TENM3: variants seen among roughly 807,000 people sequenced by gnomAD.
The protein encoded by TENM3 is teneurin-3.
TENM3 carries 63 observed loss-of-function variants against 255.1 expected under a neutral mutation model. The observed-to-expected ratio is 0.25, with a 90% CI of 0.20 to 0.30. The LOEUF (loss-of-function observed/expected upper bound fraction) is 0.30, where lower values mean the gene tolerates loss of function less well. Ranked by LOEUF, TENM3 falls within the 10% of genes least tolerant of loss-of-function variation. The pLI is 1.00. For missense variants in TENM3, 2,929 were observed against 3,461.1 expected, an observed-to-expected ratio of 0.85 and a Z score of 3.86; for synonymous variants, 1,306 against 1,322.3, an observed-to-expected ratio of 0.99 and a Z score of 0.27.
At chr4:182,159,767 G>A (rs911081230) in intron 1 of TENM3, among the ~76,000 whole-genome samples, 2 of 152,112 alleles carry the variant, frequency 1.3e-5, no homozygotes, top group Non-Finnish European at 2.9e-5. Context: ...TGTCTTATCC[G>A]GGAGCAGCGA....
chr4:182,546,939 C>T (rs1741509637), intron 3 of TENM3, among the ~76,000 whole-genome samples: 2 of 152,124 alleles, frequency 1.3e-5, no homozygotes, highest in African/African-American at 4.8e-5. Context: ...TGTAGGTTTG[C>T]AACATGTTTG....
intron 3 of TENM3, among the ~76,000 whole-genome samples, chr4:182,582,397 C>T (rs528978513): frequency 6.6e-6 from 1 of 152,260 alleles, no homozygotes; most frequent in Admixed American, 6.5e-5. Context: ...AACAGGAATA[C>T]GTACCTACAG....
rs144745916 is a variant in TENM3, at chr4:182,179,163, C to T, written c.-76+34409C>T. On this transcript the variant is annotated intron_variant, in intron 1 of 2. Transcript: ENST00000512480. Reference sequence around the variant, plus strand: ...TTCATTTCAAAATGCTTTTAAGGACCCCTTTTATTTATTCCCCTGGTGGTC... The same window carrying T: ...TTCATTTCAAAATGCTTTTAAGGACTCCTTTTATTTATTCCCCTGGTGGTC... 7.2e-4 allele frequency among the ~76,000 whole-genome samples: 110 copies of T among 152,110 alleles called. 1 individual carries two copies. Among genetic ancestry groups the T allele is most frequent in the African/African-American group, 2.6e-3 (108 of 41,506 alleles).
the TENM3 span, among the ~76,000 whole-genome samples, chr4:181,632,800 C>G: frequency 0.076 from 11,529 of 152,016 alleles, 488 homozygotes; most frequent in East Asian, 0.14. Context: ...TAAAGGAGGC[C>G]GTTAAGAATA....
At chr4:181,498,133 C>A in the TENM3 span, among the ~76,000 whole-genome samples, 1 of 152,138 alleles carries the variant, frequency 6.6e-6, no homozygotes, top group Non-Finnish European at 1.5e-5. Flanking sequence ...AATAGAGCCA[C>A]ACCAGCTTGA....
chr4:182,137,402 G>A, the TENM3 span, among the ~76,000 whole-genome samples: 3 of 151,862 alleles, frequency 2.0e-5, no homozygotes, highest in African/African-American at 7.3e-5. Context: ...TAGTTTGGGT[G>A]AAATTATCAG....
chr4:182,410,192 A>C lies in TENM3; in HGVS notation c.511+63263A>C, dbSNP rs145320370. 4.5e-4 allele frequency among the ~76,000 whole-genome samples: 69 copies of C among 152,350 alleles called. No homozygotes were observed. In the East Asian group the frequency reaches 0.012, roughly 27 times the overall value. On this transcript the variant is annotated intron_variant, in intron 3 of 27. Transcript: ENST00000511685. ...TCTATTTTAAATCCCTGCTATGTCT[A>C]ATACAGAACACTAGAAGCTATGAAT...
At chr4:181,730,506 G>A in the TENM3 span, among the ~76,000 whole-genome samples, 1 of 152,166 alleles carries the variant, frequency 6.6e-6, no homozygotes, top group Non-Finnish European at 1.5e-5. Context: ...GTCTAACTTC[G>A]TGGATAAAGG....
chr4:182,772,129 C>T (rs1764284854), intron 22 of TENM3, among the ~76,000 whole-genome samples: 2 of 152,184 alleles, frequency 1.3e-5, no homozygotes, highest in Admixed American at 1.3e-4. Context: ...TCTTCTCTGT[C>T]TTTATCACCT....
intron 1 of TENM3, among the ~76,000 whole-genome samples, chr4:182,222,784 G>C (rs1025566549): frequency 2.0e-5 from 3 of 152,130 alleles, no homozygotes; most frequent in Admixed American, 6.6e-5. Flanking sequence ...TGGGATGGGA[G>C]GAGGGCCTTC....
the TENM3 span, among the ~76,000 whole-genome samples, chr4:181,636,225 AGTAGAGACAGG>A: frequency 2.0e-5 from 3 of 151,930 alleles, no homozygotes; most frequent in Non-Finnish European, 2.9e-5. Flanking sequence ...TTGTATTTTT[AGTAGAGACAGG>A]GTTTCACCAT....
chr4:182,210,550 C>T (rs1192743355), intron 1 of TENM3, among the ~76,000 whole-genome samples: 1 of 150,102 alleles, frequency 6.7e-6, no homozygotes, highest in East Asian at 1.9e-4. Flanking sequence ...CATCTGATTT[C>T]TAAGACGTCA....
At chr4:182,453,682 C>CT in intron 3 of TENM3, among the ~76,000 whole-genome samples, 1 of 152,164 alleles carries the variant, frequency 6.6e-6, no homozygotes, top group East Asian at 1.9e-4. Flanking sequence ...TGCACAGTGC[C>CT]TTTTTTTCCT....
the TENM3 span, among the ~76,000 whole-genome samples, chr4:182,095,339 A>G: frequency 7.9e-5 from 12 of 152,204 alleles, no homozygotes; most frequent in Non-Finnish European, 1.6e-4. Flanking sequence ...TTACACACAT[A>G]CACAATGGAA....
At chr4:181,567,051 G>T in the TENM3 span, among the ~76,000 whole-genome samples, 1 of 152,188 alleles carries the variant, frequency 6.6e-6, no homozygotes. Flanking sequence ...CTAGGTGGTA[G>T]TGGGGTTGGA....
chr4:182,332,693 C>CA (rs1561331395), intron 2 of TENM3, among the ~76,000 whole-genome samples: 1 of 120,720 alleles, frequency 8.3e-6, no homozygotes, highest in Non-Finnish European at 1.7e-5. Context: ...GACTCCATCT[C>CA]AAAAAAAGAA....
chr4:182,156,510 C>T (rs566685189), intron 1 of TENM3, among the ~76,000 whole-genome samples: 28 of 152,120 alleles, frequency 1.8e-4, no homozygotes, highest in East Asian at 1.2e-3. Context: ...CCCCTCTCCC[C>T]GCCCTAGTAG....
chr4:182,154,088 C>G (rs1750528289), intron 1 of TENM3, among the ~76,000 whole-genome samples: 2 of 151,392 alleles, frequency 1.3e-5, no homozygotes, highest in Admixed American at 1.3e-4. Flanking sequence ...GGAACATAAT[C>G]ACTTGATTTA....
At chr4:182,268,867 C>T (rs376926675) in intron 1 of TENM3, among the ~76,000 whole-genome samples, 2 of 152,160 alleles carry the variant, frequency 1.3e-5, no homozygotes, top group South Asian at 2.1e-4. Context: ...CAGCAGCCCT[C>T]GGGGCTGCTC....
Sources: allele counts gnomAD v4.1 joint callset (sites outside exome capture counted in the v4.1 genomes callset), GRCh38; gene constraint gnomAD v4.1.1; transcripts MANE v1.5; gene names NCBI Gene and HGNC (gene_info 2026-07-23, HGNC 2026-07-21).